The following DGKH variants were observed in gnomAD, a reference collection of about 807,000 sequenced individuals.
DGKH encodes the protein DAG kinase eta.
DGKH carries 90 observed loss-of-function variants against 159.3 expected under a neutral mutation model. The observed-to-expected ratio is 0.57, with a 90% confidence interval of 0.48 to 0.67. The LOEUF is 0.67. Ranked by LOEUF, DGKH falls within the 30% of genes least tolerant of loss-of-function variation. DGKH has a pLI of 0.00. For missense variants in DGKH, 1,181 were observed against 1,506.1 expected (o/e 0.78, Z 3.57); for synonymous variants, 536 against 553.8 (o/e 0.97, Z 0.45).
intron 1 of DGKH, among the ~76,000 whole-genome samples, chr13:42,071,985 G>A (rs376230993): frequency 3.3e-5 from 5 of 152,090 alleles, no homozygotes; most frequent in African/African-American, 4.8e-5. Flanking sequence ...TTTCCCTATC[G>A]TAAAGACCCT....
intron 15 of DGKH, 102 bp downstream of exon 15, chr13:42,189,411 T>A (rs1957010863): frequency 2.7e-6 from 4 of 1,465,454 alleles, no homozygotes; most frequent in Non-Finnish European, 2.7e-6. Context: ...TTTTTAAAAA[T>A]AAAATTTTTA....
At chr13:42,071,189 G>A (rs1882943410) in intron 1 of DGKH, 5 of 497,178 alleles carry the variant, frequency 1.0e-5, no homozygotes, top group Admixed American at 3.1e-5. Flanking sequence ...TTTCAAAAAG[G>A]GATAAGAAAA....
chr13:42,078,674 A>C (rs545584599), intron 1 of DGKH, among the ~76,000 whole-genome samples: 3 of 152,166 alleles, frequency 2.0e-5, no homozygotes, highest in Non-Finnish European at 4.4e-5. Context: ...GAAGCATAAA[A>C]CTGAAAACTC....
At chr13:42,225,535 G>T (rs1007448522) in intron 29 of DGKH, among the ~76,000 whole-genome samples, 1 of 152,066 alleles carries the variant, frequency 6.6e-6, no homozygotes, top group African/African-American at 2.4e-5. Flanking sequence ...AGCACTTTGG[G>T]AGGCCAAGGC....
chr13:42,255,655 G>C (rs1024338721), intron 30 of DGKH, among the ~76,000 whole-genome samples: 1 of 152,116 alleles, frequency 6.6e-6, no homozygotes, highest in Non-Finnish European at 1.5e-5. Context: ...GGAATAATTA[G>C]ATGCTCATAT....
chr13:42,151,497 G>A lies in DGKH; in HGVS notation c.385-3794G>A, dbSNP rs1186073261. Among the ~76,000 whole-genome samples, 13 of 127,244 alleles carry A rather than the reference G, an allele frequency of 1.0e-4. No individual in the cohort carries two copies. In the East Asian group the frequency reaches 2.1e-3, roughly 21 times the overall value. The allele number at this position is 127,244 out of a possible 152,430, so 83.5% of individuals were successfully genotyped here. ...TTCCATGGTGTGTGTGTGTGTGTGT[G>A]TGTGTGTGTATACACATGTATATAT... On this transcript the variant is annotated intron_variant, in intron 3 of 29. Coordinates refer to ENST00000337343, the MANE Select transcript of DGKH (RefSeq NM_178009.5).
At position 42,189,097 on chromosome 13, in the gene DGKH, C is replaced by T; in HGVS notation, c.1700C>T (p.Ala567Val). The T allele has an allele frequency of 6.2e-7, 1 of 1,614,204 alleles. No individual in the cohort carries two copies. Among genetic ancestry groups the T allele is most frequent in the Non-Finnish European group, 8.5e-7 (1 of 1,180,012 alleles). Residue 567 changes from alanine to valine, a missense_variant, in exon 15 of 30, where the codon GCT (alanine) becomes GTT (valine). By Grantham distance (64) the Ala-to-Val change is moderately conservative. Around this residue, in one of 5 missense-constraint regions of DGKH, gnomAD observed 257 missense variants for 281.5 expected, o/e 0.91. Coordinates refer to ENST00000337343, the MANE Select transcript of DGKH (RefSeq NM_178009.5). ...LLQALHTDSQ[A>V]APVLPGLSPL... ...CAGGCTTTGCACACAGATTCCCAGGCTGCGCCTGTTCTCCCTGGCCTCAGC... is the reference window on the plus strand; with the variant it reads ...CAGGCTTTGCACACAGATTCCCAGGTTGCGCCTGTTCTCCCTGGCCTCAGC...
chr13:42,245,804 C>T (rs548618559), downstream of DGKH, among the ~76,000 whole-genome samples: 1 of 152,146 alleles, frequency 6.6e-6, no homozygotes, highest in South Asian at 2.1e-4. Context: ...AGGCTGGTCT[C>T]GAACCCCTGA....
chr13:42,202,308 A>G (rs1957367071), intron 20 of DGKH, among the ~76,000 whole-genome samples: 1 of 152,190 alleles, frequency 6.6e-6, no homozygotes, highest in Non-Finnish European at 1.5e-5. Context: ...CATTTTTCTG[A>G]TGATGGTTCA....
intron 1 of DGKH, among the ~76,000 whole-genome samples, chr13:42,093,812 C>G (rs1954469785): frequency 6.6e-6 from 1 of 152,112 alleles, no homozygotes; most frequent in Non-Finnish European, 1.5e-5. Flanking sequence ...AGTAGTCGAA[C>G]TTACAAAGAC....
chr13:42,047,332 A>G (rs1203409919), upstream of DGKH, among the ~76,000 whole-genome samples: 3 of 152,240 alleles, frequency 2.0e-5, no homozygotes, highest in Non-Finnish European at 2.9e-5. Context: ...GCAAGTTAAA[A>G]AAAAAAATTA....
intron 6 of DGKH, among the ~76,000 whole-genome samples, chr13:42,159,674 G>T (rs1322761562): frequency 6.6e-6 from 1 of 152,046 alleles, no homozygotes; most frequent in African/African-American, 2.4e-5. Context: ...TTCAGACATT[G>T]GGGTTGCCTC....
At chr13:42,045,305 T>C (rs1291966590), upstream of DGKH, among the ~76,000 whole-genome samples, 1 of 152,116 alleles carries the variant, frequency 6.6e-6, no homozygotes, top group African/African-American at 2.4e-5. Context: ...AGAGCAAGAC[T>C]TTGTCTCTAA....
intron 1 of DGKH, among the ~76,000 whole-genome samples, chr13:42,073,340 G>C (rs1883099314): frequency 6.6e-6 from 1 of 152,140 alleles, no homozygotes; most frequent in African/African-American, 2.4e-5. Flanking sequence ...CTTATAGTGG[G>C]GGAGACAGCT....
chr13:42,098,180 A>T (rs1196807218), intron 1 of DGKH, among the ~76,000 whole-genome samples: 1 of 152,216 alleles, frequency 6.6e-6, no homozygotes, highest in African/African-American at 2.4e-5. Flanking sequence ...TGAAAAAATA[A>T]TTAATATTAT....
Position 42,236,528 on chromosome 13 carries a change from TA to T in DGKH, c.*7341del. The T allele has an allele frequency of 6.6e-6, 1 of 152,356 alleles. No homozygotes were observed. The highest frequency in any genetic ancestry group is 6.5e-5 in the Admixed American group (1 of 15,300). The allele number at this position is 152,356 out of a possible 1,614,324, so 9.4% of individuals were successfully genotyped here. A position where few individuals can be genotyped will look rare whatever the true frequency, so the allele number is the denominator to read the frequency against. On this transcript the variant is annotated 3_prime_UTR_variant, in exon 30 of 30. Transcript: ENST00000337343. ...TGTTATATTTTGCCAATATGTATTT[TA>T]TCTTCATGTCACAACTTATTTTCTG... is the stretch of plus-strand genomic sequence containing the variant.
chr13:42,246,672 C>A (rs1157257239), downstream of DGKH, among the ~76,000 whole-genome samples: 1 of 152,058 alleles, frequency 6.6e-6, no homozygotes, highest in African/African-American at 2.4e-5. Flanking sequence ...GAATAAAAGG[C>A]AGCACAAGAA....
intron 1 of DGKH, among the ~76,000 whole-genome samples, chr13:42,086,331 T>C (rs1954301040): frequency 6.6e-6 from 1 of 152,236 alleles, no homozygotes; most frequent in Non-Finnish European, 1.5e-5. Context: ...AAGTGTTTAT[T>C]ATGAAGAAGT....
intron 30 of DGKH, among the ~76,000 whole-genome samples, chr13:42,255,077 C>T (rs917548239): frequency 2.0e-5 from 3 of 150,718 alleles, no homozygotes; most frequent in African/African-American, 7.3e-5. Context: ...AGCTTTTTTA[C>T]TGAGAGTACT....
Sources: gnomAD v4.1 joint callset for allele counts (sites outside exome capture counted in the v4.1 genomes callset) on GRCh38, gnomAD v4.1.1 for gene constraint, gnomAD v4.1.1 regional missense constraint, MANE v1.5 for transcripts, NCBI Gene and HGNC (gene_info 2026-07-23, HGNC 2026-07-21) for gene names.